Variants in PRC1 observed in about 807,000 individuals in gnomAD.
The protein encoded by PRC1 is anaphase spindle elongation 1 homolog.
PRC1 carries 54 observed loss-of-function variants against 91.2 expected under a neutral mutation model. The ratio of observed to expected loss-of-function variants is 0.59; its 90% CI spans 0.48 to 0.74. The LOEUF (loss-of-function observed/expected upper bound fraction) is 0.74. Ranked by LOEUF, PRC1 falls within the 30% of genes least tolerant of loss-of-function variation. The pLI is 0.00. For synonymous variants in PRC1, 275 were observed against 263.6 expected (o/e 1.04, Z -0.42); for missense variants, 727 against 746.2 (o/e 0.97, Z 0.30).
rs141431456 is a variant in PRC1, at chr15:90,971,879, T to G, written c.1462-1365A>C. On this transcript the variant is annotated intron_variant, in intron 11 of 14. Transcript: ENST00000394249. ...CCCATCTCTACTAAAAATACAAAAATTAGGTGGGCATAGTGGCGCGGGCCT... is the reference window on the plus strand; with the variant it reads ...CCCATCTCTACTAAAAATACAAAAAGTAGGTGGGCATAGTGGCGCGGGCCT... Among the ~76,000 whole-genome samples, 784 of 150,508 alleles carry G rather than the reference T, an allele frequency of 5.2e-3. 8 individuals carry two copies. Among genetic ancestry groups the G allele is most frequent in the Non-Finnish European group, 9.3e-3 (632 of 67,658 alleles).
At chr15:90,989,551 GT>G (rs2039834101) in intron 1 of PRC1, among the ~76,000 whole-genome samples, 2 of 150,586 alleles carry the variant, frequency 1.3e-5, no homozygotes, top group Admixed American at 6.7e-5. Context: ...CGGCCCCTCA[GT>G]TTAACAGAGT....
Position 90,981,741 on chromosome 15 carries a change from AGT to A in PRC1, c.501+5_501+6del, listed in dbSNP as rs2039211729. On this transcript the variant is annotated splice_donor_5th_base_variant and intron_variant, in intron 4 of 14. Transcript: ENST00000394249. ...ACTTTTAGGAAGAACAAATGTAGGC[AGT>A]GTACCTTTGTTTCCCTCAAAGTTGT... The A allele has an allele frequency of 6.2e-7, 1 of 1,609,326 alleles. No homozygotes were observed. Among genetic ancestry groups the A allele is most frequent in the African/African-American group, 1.3e-5 (1 of 74,724 alleles).
At chr15:90,973,743 C>A (rs1018043561) in intron 11 of PRC1, among the ~76,000 whole-genome samples, 7 of 152,172 alleles carry the variant, frequency 4.6e-5, no homozygotes, top group African/African-American at 1.4e-4. Context: ...AAGCATAAAT[C>A]TGGCCTACGT....
intron 7 of PRC1, 137 bp from the exon 8 acceptor site, chr15:90,979,431 G>T: frequency 9.9e-7 from 1 of 1,010,826 alleles, no homozygotes; most frequent in Non-Finnish European, 1.4e-6. Context: ...GTGTGTGTGT[G>T]TGTAATAGAT....
chr15:90,970,539 C>G, intron 11 of PRC1, 25 bp from the exon 12 acceptor site: 5 of 1,505,980 alleles, frequency 3.3e-6, no homozygotes, highest in Non-Finnish European at 4.6e-6. Context: ...ACGTGGGTAA[C>G]TGATGTGCAG....
chr15:90,991,275 G>A (rs1479982582), intron 1 of PRC1, among the ~76,000 whole-genome samples: 1 of 151,488 alleles, frequency 6.6e-6, no homozygotes, highest in East Asian at 2.0e-4. Context: ...AATTAGCTGG[G>A]CGTGGTAGTG....
chr15:90,981,842 C>G lies in PRC1; in HGVS notation c.407G>C (p.Cys136Ser), dbSNP rs1406457556. 6.2e-7 allele frequency: 1 copy of G among 1,614,204 alleles called. No individual in the cohort carries two copies. The highest frequency in any genetic ancestry group is 8.5e-7 in the Non-Finnish European group (1 of 1,180,040). Reference protein sequence around the residue: ...EQDQELCEILCMPHYDIDSAS... With the variant: ...EQDQELCEILSMPHYDIDSAS... ...ACTGTCAATATCATAGTGGGGCATA[C>G]AAAGAATTTCGCACAGTTCTTGATC... Residue 136 changes from cysteine (C) to serine (S), a missense_variant, in exon 4 of 15, where the codon TGT (cysteine) becomes TCT (serine). Physicochemically the swap from Cys to Ser is moderately radical, Grantham distance 112. Transcript: ENST00000394249.
intron 8 of PRC1, among the ~76,000 whole-genome samples, chr15:90,978,650 G>A (rs753428943): frequency 1.9e-4 from 28 of 151,228 alleles, no homozygotes; most frequent in Non-Finnish European, 3.1e-4. Flanking sequence ...CTACTTGGGA[G>A]GCTGAGGTAG....
intron 8 of PRC1, among the ~76,000 whole-genome samples, chr15:90,978,771 A>C (rs1413744441): frequency 1.3e-5 from 2 of 149,764 alleles, no homozygotes; most frequent in South Asian, 2.1e-4. Flanking sequence ...AAAAAAAAAA[A>C]AAAAAAAGTG....
Position 90,970,408 on chromosome 15 carries a change from C to T in PRC1, c.1568G>A (p.Ser523Asn), listed in dbSNP as rs146069935. Residue 523 changes from serine (S) to asparagine (N), a missense_variant, in exon 12 of 15, where the codon AGC becomes AAC. Physicochemically the swap from Ser to Asn is conservative, Grantham distance 46 (BLOSUM62 1). Coordinates refer to ENST00000394249, the MANE Select transcript of PRC1 (RefSeq NM_003981.4). Reference sequence around the variant, plus strand: ...TTAGACACAGGGCATACTAACCTTGCTGCCAGAAGGAGGAAGTCGAGACAC... The same window carrying T: ...TTAGACACAGGGCATACTAACCTTGTTGCCAGAAGGAGGAAGTCGAGACAC... ...SPVSRLPPSG[S>N]KPVAASTCSG... is the part of the protein sequence containing the mutation. The T allele has an allele frequency of 3.9e-5, 62 of 1,598,460 alleles. No individual in the cohort carries two copies. Among genetic ancestry groups the T allele is most frequent in the Non-Finnish European group, 5.0e-5 (58 of 1,165,940 alleles).
At chr15:90,992,536 G>T (rs535107780) in intron 1 of PRC1, among the ~76,000 whole-genome samples, 1 of 152,260 alleles carries the variant, frequency 6.6e-6, no homozygotes, top group Middle Eastern at 3.4e-3. Flanking sequence ...TTACAGGTGT[G>T]AGCCACTGTG....
chr15:90,966,956 C>A lies in PRC1; in HGVS notation c.*175G>T. ...ACCAAGTCTCCTAGGACCACTAAAC[C>A]TATGATGGGCTTTCAACTGTAACAC... is the stretch of plus-strand genomic sequence containing the variant. On this transcript the variant is annotated 3_prime_UTR_variant, in exon 15 of 15. Coordinates refer to ENST00000394249, the MANE Select transcript of PRC1 (RefSeq NM_003981.4). The A allele has an allele frequency of 1.6e-6, 1 of 628,598 alleles. No homozygotes were observed. 38.9% of individuals were successfully genotyped at this position (628,598 alleles called of 1,614,324 possible). A position where few individuals can be genotyped will look rare whatever the true frequency, so the allele number is the denominator to read the frequency against.
At chr15:90,982,592 G>GA (rs1414848003) in intron 3 of PRC1, 1 of 152,732 alleles carries the variant, frequency 6.5e-6, no homozygotes, top group Non-Finnish European at 1.5e-5. Context: ...ACTAAAAATA[G>GA]AAAAATTAGC....
chr15:90,977,862 A>G (rs896166583), intron 8 of PRC1, among the ~76,000 whole-genome samples: 3 of 152,262 alleles, frequency 2.0e-5, no homozygotes, highest in African/African-American at 7.2e-5. Flanking sequence ...CTGGGATTAC[A>G]GGCGTGAGCC....
chr15:90,968,846 A>G, intron 14 of PRC1: 1 of 1,346,706 alleles, frequency 7.4e-7, no homozygotes, highest in Non-Finnish European at 9.6e-7. Context: ...CGTGATTTAA[A>G]ACTGTGCCTG....
At position 90,994,508 on chromosome 15, in the gene PRC1, A is replaced by G; in HGVS notation, c.-91T>C. On this transcript the variant is annotated 5_prime_UTR_variant, in exon 1 of 15. Coordinates refer to ENST00000394249, the MANE Select transcript of PRC1 (RefSeq NM_003981.4). ...ACCACCCGCAAACACCGGCGATGTC[A>G]CTCCGCGTAGCCGCTCCGCGAGCCG... 3.4e-6 allele frequency: 5 copies of G among 1,461,372 alleles called. No individual in the cohort carries two copies. Among genetic ancestry groups the G allele is most frequent in the Non-Finnish European group, 4.6e-6 (5 of 1,091,380 alleles). 90.5% of individuals were successfully genotyped at this position (1,461,372 alleles called of 1,614,324 possible).
chr15:90,989,909 A>G (rs893064549), intron 1 of PRC1, among the ~76,000 whole-genome samples: 8 of 152,036 alleles, frequency 5.3e-5, no homozygotes, highest in African/African-American at 1.9e-4. Flanking sequence ...TCTTTCACCT[A>G]GGCTGGAGTG....
chr15:90,980,200 G>A (rs1305020761), intron 7 of PRC1, 42 bp downstream of exon 7: 4 of 1,551,126 alleles, frequency 2.6e-6, no homozygotes, highest in East Asian at 2.3e-5. Flanking sequence ...AGTAAGACCT[G>A]TCTCCAAACA....
chr15:90,967,492 T>C, intron 14 of PRC1: 1 of 370,722 alleles, frequency 2.7e-6, no homozygotes, highest in Admixed American at 4.3e-5. Context: ...CACTGCATAA[T>C]GATGTTTCAG....
Sources: gnomAD v4.1 joint callset for allele counts (sites outside exome capture counted in the v4.1 genomes callset) on GRCh38, gnomAD v4.1.1 for gene constraint, MANE v1.5 for transcripts, NCBI Gene and HGNC (gene_info 2026-07-23, HGNC 2026-07-21) for gene names.